RPS3A: variants seen among roughly 807,000 people sequenced by gnomAD.
The protein encoded by RPS3A is small ribosomal subunit protein eS1.
Under a neutral mutation model 26.4 loss-of-function variants are expected in RPS3A, and 1 was observed. The observed-to-expected ratio is 0.04, with a 90% CI of 0.01 to 0.18. RPS3A has a LOEUF of 0.18. Ranked by LOEUF, RPS3A falls within the 10% of genes least tolerant of loss-of-function variation. RPS3A has a pLI of 1.00. For synonymous variants in RPS3A, 97 were observed against 106.1 expected (o/e 0.91, Z 0.53); for missense variants, 139 against 326.8 (o/e 0.43, Z 4.43).
intron 3 of RPS3A, among the ~76,000 whole-genome samples, chr4:151,101,395 C>T (rs567734412): frequency 6.6e-6 from 1 of 152,288 alleles, no homozygotes; most frequent in East Asian, 1.9e-4. Context: ...GGTGTATCAT[C>T]AAAGTCAGAT....
intron 2 of RPS3A, 145 bp downstream of exon 2, chr4:151,100,733 ATT>A: frequency 1.5e-6 from 1 of 647,594 alleles, no homozygotes; most frequent in Non-Finnish European, 2.7e-6. Context: ...TGTGGTGATC[ATT>A]TTTAGTACAG....
chr4:151,100,869 A>T (rs1747087658), intron 2 of RPS3A, 106 bp from the exon 3 acceptor site: 2 of 761,676 alleles, frequency 2.6e-6, no homozygotes, highest in Non-Finnish European at 4.2e-6. Context: ...ACAAAGGTTA[A>T]GGTCTTTATA....
intron 3 of RPS3A, among the ~76,000 whole-genome samples, chr4:151,101,413 C>A (rs889670412): frequency 1.1e-4 from 17 of 152,160 alleles, no homozygotes; most frequent in African/African-American, 4.1e-4. Flanking sequence ...GATTTTCTTG[C>A]TGCATAGATT....
At chr4:151,103,749 T>C in intron 4 of RPS3A, 1 of 1,182,400 alleles carries the variant, frequency 8.5e-7, no homozygotes, top group South Asian at 1.5e-5. Context: ...AAATAAAAAA[T>C]ATACGTATAT....
At chr4:151,100,036 G>A (rs1423153622) in intron 1 of RPS3A, 6 of 593,088 alleles carry the variant, frequency 1.0e-5, no homozygotes, top group Non-Finnish European at 1.9e-5. Flanking sequence ...AGCAGGAGTT[G>A]AGGAAAGCAC....
At chr4:151,103,199 A>G (rs1747208108) in intron 4 of RPS3A, 120 bp downstream of exon 4, 4 of 1,429,012 alleles carry the variant, frequency 2.8e-6, no homozygotes, top group Non-Finnish European at 3.7e-6. Flanking sequence ...GAATCCTTCT[A>G]GCTATATCTC....
At chr4:151,100,063 G>T (rs1747050768) in intron 1 of RPS3A, 2 of 556,702 alleles carry the variant, frequency 3.6e-6, no homozygotes, top group Non-Finnish European at 6.8e-6. Context: ...ATCCATTCAG[G>T]ACCCGTCAAT....
rs770298599 is a variant in RPS3A, at chr4:151,101,096, C to T, written c.288C>T (p.Cys96=). The change falls in exon 3 of 6, where the codon TGC becomes TGT. Residue 96 remains cysteine, a synonymous_variant. Coordinates refer to ENST00000274065, the MANE Select transcript of RPS3A (RefSeq NM_001006.5). ...CTGAAGATGTTCAGGGTAAAAACTG[C>T]CTGACTAACTTCCATGGCATGGATC... is the stretch of plus-strand genomic sequence containing the variant. ...LITEDVQGKN[C]LTNFHGMDLT... 24 of 1,605,534 alleles carry T rather than the reference C, an allele frequency of 1.5e-5. No individual in the cohort carries two copies. In the South Asian group the frequency reaches 2.3e-4, roughly 15 times the overall value.
chr4:151,104,439 G>GT (rs386401872), intron 5 of RPS3A, 33 bp from the exon 6 acceptor site: 45,517 of 690,560 alleles, frequency 0.066, 539 homozygotes, highest in African/African-American at 0.15. Flanking sequence ...CAGTTTTTTG[G>GT]TTTTTTTTTT....
intron 4 of RPS3A, chr4:151,103,628 G>C (rs769876791): frequency 4.0e-4 from 426 of 1,070,092 alleles, no homozygotes; most frequent in Non-Finnish European, 4.7e-4. Flanking sequence ...TAAGTTGAGT[G>C]GGGTGGGATG....
At position 151,104,455 on chromosome 4, in the gene RPS3A, T is replaced by TTTTTTTTTC; in HGVS notation, c.674-10_674-9insTCTTTTTTT. 3 of 1,415,308 alleles carry TTTTTTTTTC rather than the reference T, an allele frequency of 2.1e-6. No homozygotes were observed. Among genetic ancestry groups the TTTTTTTTTC allele is most frequent in the Admixed American group, 3.2e-5 (1 of 31,210 alleles). 87.7% of individuals were successfully genotyped at this position (1,415,308 alleles called of 1,614,324 possible). On this transcript the variant is annotated splice_polypyrimidine_tract_variant and intron_variant, in intron 5 of 5. Coordinates refer to ENST00000274065, the MANE Select transcript of RPS3A (RefSeq NM_001006.5). ...AGTTTTTTGGTTTTTTTTTTTTTTTTTTTTTTTGCCTTTTAGTGGGAAAGC... is the reference window on the plus strand; with the variant it reads ...AGTTTTTTGGTTTTTTTTTTTTTTTTTTTTTTTTCTTTTTTTGCCTTTTAGTGGGAAAGC...
intron 1 of RPS3A, 56 bp from the exon 2 acceptor site, chr4:151,100,428 GA>G: frequency 3.0e-6 from 3 of 989,264 alleles, no homozygotes; most frequent in Non-Finnish European, 4.8e-6. Flanking sequence ...CATTAACAGT[GA>G]AAAATACAGT....
chr4:151,104,445 T>TTC, intron 5 of RPS3A, 27 bp from the exon 6 acceptor site: 3 of 1,349,340 alleles, frequency 2.2e-6, no homozygotes, highest in Non-Finnish European at 2.9e-6. Flanking sequence ...TTTGGTTTTT[T>TTC]TTTTTTTTTT....
intron 1 of RPS3A, 191 bp downstream of exon 1, chr4:151,099,905 G>T: frequency 1.4e-6 from 1 of 705,674 alleles, no homozygotes; most frequent in Non-Finnish European, 2.6e-6. Flanking sequence ...GCCTTTCCCA[G>T]GCCTTCTGGT....
intron 1 of RPS3A, among the ~76,000 whole-genome samples, chr4:151,100,201 C>T (rs555938984): frequency 3.7e-4 from 57 of 152,276 alleles, no homozygotes; most frequent in African/African-American, 1.3e-3. Context: ...TTACTCGTGC[C>T]TGTGTAGTGG....
rs759972428 is a variant in RPS3A at position 151,100,605 on chromosome 4, T to G, written c.166+17T>G. On this transcript the variant is annotated intron_variant, in intron 2 of 5. Transcript: ENST00000274065. Reference sequence around the variant, plus strand: ...AAGGAACCAGTAAGTAGCTTATTCTTGGTTTGTATTTTCCTTAAGTTGGCG... The same window carrying G: ...AAGGAACCAGTAAGTAGCTTATTCTGGGTTTGTATTTTCCTTAAGTTGGCG... 3 of 1,435,714 alleles carry G rather than the reference T, an allele frequency of 2.1e-6. No individual in the cohort carries two copies. The highest frequency in any genetic ancestry group is 2.9e-6 in the Non-Finnish European group (3 of 1,018,978). 88.9% of individuals were successfully genotyped at this position (1,435,714 alleles called of 1,614,324 possible).
chr4:151,102,149 A>T, intron 3 of RPS3A: 1 of 483,964 alleles, frequency 2.1e-6, no homozygotes, highest in Non-Finnish European at 4.1e-6. Context: ...TTTATGGTTT[A>T]CATTTCTAGA....
intron 5 of RPS3A, 33 bp from the exon 6 acceptor site, chr4:151,104,439 G>GTTTTTTGTTT (rs1747274436): frequency 1.4e-5 from 10 of 711,704 alleles, no homozygotes; most frequent in Admixed American, 8.3e-5. Context: ...CAGTTTTTTG[G>GTTTTTTGTTT]TTTTTTTTTT....
chr4:151,102,610 G>GA, intron 3 of RPS3A: 1 of 463,978 alleles, frequency 2.2e-6, no homozygotes, highest in Non-Finnish European at 3.9e-6. Flanking sequence ...ATGCCGTCAA[G>GA]ATAGTGGTAG....
Sources: allele counts gnomAD v4.1 joint callset (sites outside exome capture counted in the v4.1 genomes callset), GRCh38; gene constraint gnomAD v4.1.1; transcripts MANE v1.5; gene names NCBI Gene and HGNC (gene_info 2026-07-23, HGNC 2026-07-21).